The following ROBO2 variants were observed in gnomAD, a reference collection of about 807,000 sequenced individuals.
The protein encoded by ROBO2 is roundabout homolog 2.
ROBO2 carries 53 observed loss-of-function variants against 160.8 expected under a neutral mutation model. The observed-to-expected ratio is 0.33, with a 90% CI of 0.26 to 0.41. The LOEUF is 0.41. Ranked by LOEUF, ROBO2 falls within the 10% of genes least tolerant of loss-of-function variation. ROBO2 has a pLI of 1.00. For synonymous variants in ROBO2, 664 were observed against 611.7 expected, an observed-to-expected ratio of 1.09 and a Z score of -1.26; for missense variants, 1,577 against 1,722.4, an observed-to-expected ratio of 0.92 and a Z score of 1.49.
intron 2 of ROBO2, among the ~76,000 whole-genome samples, chr3:76,533,662 G>A (rs1417105374): frequency 6.6e-6 from 1 of 152,192 alleles, no homozygotes; most frequent in Admixed American, 6.5e-5. Flanking sequence ...AGTGGGCTGA[G>A]TCCGAAAAGA....
At chr3:76,647,712 G>A (rs555495139) in intron 2 of ROBO2, among the ~76,000 whole-genome samples, 3 of 152,110 alleles carry the variant, frequency 2.0e-5, no homozygotes, top group East Asian at 1.9e-4. Flanking sequence ...GTTGTGGGAG[G>A]TGAAAAGAAT....
intron 2 of ROBO2, among the ~76,000 whole-genome samples, chr3:76,731,240 A>G (rs1013494699): frequency 2.0e-5 from 3 of 152,196 alleles, no homozygotes; most frequent in African/African-American, 7.2e-5. Flanking sequence ...TCTCCATTTT[A>G]AATTGCCTTT....
At chr3:76,574,133 C>T (rs576718533) in intron 2 of ROBO2, among the ~76,000 whole-genome samples, 1 of 151,942 alleles carries the variant, frequency 6.6e-6, no homozygotes, top group East Asian at 1.9e-4. Context: ...ATACATAGAA[C>T]AATAAATATC....
At chr3:76,116,412 A>C (rs1243406318) in intron 2 of ROBO2, among the ~76,000 whole-genome samples, 1 of 152,168 alleles carries the variant, frequency 6.6e-6, no homozygotes, top group Non-Finnish European at 1.5e-5. Flanking sequence ...TCACCCTGCT[A>C]TACCATTTCT....
chr3:75,963,086 A>G (rs1287441477), intron 2 of ROBO2, among the ~76,000 whole-genome samples: 2 of 151,916 alleles, frequency 1.3e-5, no homozygotes, highest in Non-Finnish European at 2.9e-5. Context: ...GTAACATTTC[A>G]TCATACTATA....
intron 2 of ROBO2, among the ~76,000 whole-genome samples, chr3:76,595,322 G>A (rs2086670776): frequency 6.6e-6 from 1 of 151,822 alleles, no homozygotes; most frequent in African/African-American, 2.4e-5. Context: ...AACTGGAAAA[G>A]CATTTAGAAT....
intron 2 of ROBO2, among the ~76,000 whole-genome samples, chr3:76,144,914 AAGT>A (rs78917193): frequency 0.35 from 53,211 of 151,548 alleles, 10,901 homozygotes; most frequent in South Asian, 0.47. Flanking sequence ...TGGCTTTCAA[AAGT>A]AGTAATTTTA....
chr3:76,565,119 A>T (rs879185774), intron 2 of ROBO2, among the ~76,000 whole-genome samples: 4 of 152,132 alleles, frequency 2.6e-5, no homozygotes, highest in Non-Finnish European at 5.9e-5. Flanking sequence ...GAATGGCTCA[A>T]ATGGGGGAAG....
chr3:75,993,509 G>C (rs1222281393), intron 2 of ROBO2, among the ~76,000 whole-genome samples: 1 of 152,114 alleles, frequency 6.6e-6, no homozygotes, highest in African/African-American at 2.4e-5. Flanking sequence ...CCAGTCTCAG[G>C]TATGTCTTTA....
intron 2 of ROBO2, among the ~76,000 whole-genome samples, chr3:77,139,077 A>C (rs943759899): frequency 6.6e-6 from 1 of 152,160 alleles, no homozygotes; most frequent in African/African-American, 2.4e-5. Context: ...GCCAGTTCTA[A>C]TCACTGAATC....
At chr3:76,125,022 A>C (rs2070915775) in intron 2 of ROBO2, among the ~76,000 whole-genome samples, 1 of 152,052 alleles carries the variant, frequency 6.6e-6, no homozygotes, top group Non-Finnish European at 1.5e-5. Flanking sequence ...AGCAGATTGC[A>C]GTGTCTGTTA....
intron 2 of ROBO2, among the ~76,000 whole-genome samples, chr3:77,186,386 T>A (rs567420884): frequency 1.3e-5 from 2 of 151,894 alleles, no homozygotes; most frequent in South Asian, 4.1e-4. Flanking sequence ...AAGAAATAAA[T>A]GAGAGATTAT....
At chr3:75,909,080 AATGCTCTTAT>A (rs1428018138) in intron 1 of ROBO2, among the ~76,000 whole-genome samples, 1 of 152,202 alleles carries the variant, frequency 6.6e-6, no homozygotes, top group African/African-American at 2.4e-5. Context: ...GTAGAAACGG[AATGCTCTTAT>A]ATTTCATATG....
intron 2 of ROBO2, among the ~76,000 whole-genome samples, chr3:77,111,660 A>G (rs1175802055): frequency 6.6e-6 from 1 of 152,046 alleles, no homozygotes; most frequent in Non-Finnish European, 1.5e-5. Flanking sequence ...TTAAGGATAG[A>G]TTTTATTTCA....
chr3:76,692,882 ACTCT>A lies in ROBO2; in HGVS notation c.110-405117_110-405114del, dbSNP rs68038906. Among the ~76,000 whole-genome samples, 71 of 141,738 alleles carry A rather than the reference ACTCT, an allele frequency of 5.0e-4. 1 individual carries two copies. Among genetic ancestry groups the A allele is most frequent in the African/African-American group, 1.4e-3 (54 of 38,308 alleles). 93.0% of individuals were successfully genotyped at this position (141,738 alleles called of 152,430 possible). A position where few individuals can be genotyped will look rare whatever the true frequency, so the allele number is the denominator to read the frequency against. Reference sequence around the variant, plus strand: ...AACACACTCACAAACACACTATATAACTCTCTCTCTCTCTCTCTATATATATAGT... The same window carrying A: ...AACACACTCACAAACACACTATATAACTCTCTCTCTCTCTATATATATAGT... On this transcript the variant is annotated intron_variant, in intron 2 of 26. Coordinates refer to the ROBO2 transcript ENST00000487694.
chr3:76,060,471 A>G (rs1257610594), intron 2 of ROBO2, among the ~76,000 whole-genome samples: 2 of 152,186 alleles, frequency 1.3e-5, no homozygotes, highest in African/African-American at 4.8e-5. Context: ...ACTAGAGTGA[A>G]TTATTTTAAT....
At chr3:76,840,115 G>T in intron 2 of ROBO2, among the ~76,000 whole-genome samples, 1 of 150,844 alleles carries the variant, frequency 6.6e-6, no homozygotes, top group African/African-American at 2.4e-5. Flanking sequence ...TTCAAATTTT[G>T]TTTATCTTTT....
intron 2 of ROBO2, among the ~76,000 whole-genome samples, chr3:76,235,019 G>A (rs1466685871): frequency 6.6e-6 from 1 of 152,128 alleles, no homozygotes; most frequent in Non-Finnish European, 1.5e-5. Context: ...AGGATGTTAA[G>A]ATGTCGTGAA....
chr3:77,161,730 GT>G (rs139940984), intron 2 of ROBO2, among the ~76,000 whole-genome samples: 146 of 144,024 alleles, frequency 1.0e-3, no homozygotes, highest in Non-Finnish European at 1.5e-3. Context: ...CTGAAAATAC[GT>G]TTTTTTTTTC....
Sources: gnomAD v4.1 joint callset for allele counts (sites outside exome capture counted in the v4.1 genomes callset) on GRCh38, gnomAD v4.1.1 for gene constraint, MANE v1.5 for transcripts, NCBI Gene and HGNC (gene_info 2026-07-23, HGNC 2026-07-21) for gene names.